Variants in RARB observed in about 807,000 individuals in gnomAD.
RARB encodes the protein HBV-activated protein.
In RARB, 17 loss-of-function variants were observed where a neutral mutation model predicts 51.9. That is an observed-to-expected ratio of 0.33 (90% CI 0.22 to 0.49). The LOEUF (loss-of-function observed/expected upper bound fraction) is 0.49, where lower values mean the gene tolerates loss of function less well. Among genes scored for constraint, RARB ranks in the 20% least tolerant of loss-of-function variants. The pLI is 0.99. For missense variants in RARB, 369 were observed against 550.8 expected, an observed-to-expected ratio of 0.67 and a Z score of 3.30; for synonymous variants, 215 against 195.4, an observed-to-expected ratio of 1.10 and a Z score of -0.84.
intron 2 of RARB, among the ~76,000 whole-genome samples, chr3:25,052,650 A>C (rs1455303324): frequency 6.6e-6 from 1 of 152,206 alleles, no homozygotes; most frequent in Admixed American, 6.5e-5. Context: ...ATTATAATTG[A>C]AAGTATTTTC....
intron 3 of RARB, among the ~76,000 whole-genome samples, chr3:25,560,630 C>T (rs541907507): frequency 7.2e-5 from 11 of 152,286 alleles, no homozygotes; most frequent in Middle Eastern, 3.4e-3. Context: ...TCTGTCTTCC[C>T]TTTAATCTCT....
intron 4 of RARB, among the ~76,000 whole-genome samples, chr3:25,173,111 T>A (rs1700674440): frequency 6.6e-6 from 1 of 152,176 alleles, no homozygotes; most frequent in African/African-American, 2.4e-5. Flanking sequence ...TACTTAATAT[T>A]GGTTATCAGG....
At chr3:25,151,023 A>G (rs1354301042) in intron 4 of RARB, among the ~76,000 whole-genome samples, 1 of 152,248 alleles carries the variant, frequency 6.6e-6, no homozygotes, top group Non-Finnish European at 1.5e-5. Context: ...CAGTTGGCTC[A>G]GTGGCTCCAT....
chr3:25,382,354 A>T (rs1227275519), intron 5 of RARB, among the ~76,000 whole-genome samples: 1 of 152,196 alleles, frequency 6.6e-6, no homozygotes, highest in Non-Finnish European at 1.5e-5. Flanking sequence ...TTCAAAGTTG[A>T]TACTCTTTAG....
At chr3:25,157,795 T>C (rs1279517369) in intron 4 of RARB, among the ~76,000 whole-genome samples, 1 of 152,220 alleles carries the variant, frequency 6.6e-6, no homozygotes, top group African/African-American at 2.4e-5. Flanking sequence ...AGACTCGAGA[T>C]TTTACTCTTT....
chr3:24,924,583 T>C (rs1044610445), intron 2 of RARB, among the ~76,000 whole-genome samples: 2 of 152,188 alleles, frequency 1.3e-5, no homozygotes, highest in Admixed American at 6.6e-5. Context: ...TTGGACAGCA[T>C]AGCTCTATGA....
chr3:24,943,275 T>A (rs1695707864), intron 2 of RARB, among the ~76,000 whole-genome samples: 1 of 152,242 alleles, frequency 6.6e-6, no homozygotes, highest in Admixed American at 6.5e-5. Flanking sequence ...TGGTGAAGGT[T>A]ATTAAGAATG....
At chr3:25,056,289 G>A (rs1446758241) in intron 2 of RARB, among the ~76,000 whole-genome samples, 2 of 152,084 alleles carry the variant, frequency 1.3e-5, no homozygotes, top group Admixed American at 6.6e-5. Flanking sequence ...GCTGGGTGTA[G>A]CACATCAGGG....
chr3:25,017,211 T>TC (rs1270988836), intron 2 of RARB, among the ~76,000 whole-genome samples: 10 of 140,760 alleles, frequency 7.1e-5, no homozygotes, highest in African/African-American at 2.3e-4. Context: ...TTAACTAGCT[T>TC]TCCCCCCCCC....
In RARB at chr3:25,219,689, G is replaced by A. The variant is rs192087278; in HGVS notation, c.178+45114G>A. On this transcript the variant is annotated intron_variant, in intron 5 of 11. Transcript: ENST00000383772. Reference sequence around the variant, plus strand: ...TCAAATTAAGCATGTGCTCACTGTTGTGCTATTTTCTGGACAATTGAGTTG... The same window carrying A: ...TCAAATTAAGCATGTGCTCACTGTTATGCTATTTTCTGGACAATTGAGTTG... Among the ~76,000 whole-genome samples, 257 of 152,212 alleles carry A rather than the reference G, an allele frequency of 1.7e-3. 1 individual carries two copies. Among genetic ancestry groups the A allele is most frequent in the Middle Eastern group, 0.014 (4 of 294 alleles).
intron 1 of RARB, among the ~76,000 whole-genome samples, chr3:24,849,564 AC>A (rs1295580195): frequency 2.0e-4 from 31 of 152,346 alleles, no homozygotes; most frequent in African/African-American, 6.5e-4. Context: ...GTTTAAAGAC[AC>A]CTTATTTAGT....
At chr3:25,449,828 T>C (rs1709112497) in intron 1 of RARB, among the ~76,000 whole-genome samples, 1 of 151,968 alleles carries the variant, frequency 6.6e-6, no homozygotes, top group Non-Finnish European at 1.5e-5. Context: ...CTCGGCTCAC[T>C]GCAACCTCCA....
intron 2 of RARB, among the ~76,000 whole-genome samples, chr3:25,030,851 C>T (rs1195425310): frequency 6.6e-6 from 1 of 152,178 alleles, no homozygotes; most frequent in Non-Finnish European, 1.5e-5. Context: ...AGTTTGTCCT[C>T]AGCTCATTTT....
At chr3:24,939,585 G>A (rs562410160) in intron 2 of RARB, among the ~76,000 whole-genome samples, 1 of 152,150 alleles carries the variant, frequency 6.6e-6, no homozygotes, top group African/African-American at 2.4e-5. Context: ...AGTTTCACTA[G>A]GGTCAAACTT....
upstream of RARB, among the ~76,000 whole-genome samples, chr3:25,426,085 A>T (rs1707979116): frequency 6.6e-6 from 1 of 152,234 alleles, no homozygotes; most frequent in South Asian, 2.1e-4. Flanking sequence ...TAAGGACCTT[A>T]AATAAGCATT....
At chr3:25,087,667 A>AT (rs751922305) in intron 3 of RARB, among the ~76,000 whole-genome samples, 8 of 152,102 alleles carry the variant, frequency 5.3e-5, no homozygotes, top group African/African-American at 1.9e-4. Context: ...AGTAATGGAG[A>AT]TTGTTGTTAT....
At chr3:25,333,253 A>T (rs1309675116) in intron 5 of RARB, among the ~76,000 whole-genome samples, 1 of 152,196 alleles carries the variant, frequency 6.6e-6, no homozygotes, top group Non-Finnish European at 1.5e-5. Context: ...AGCTGGAGGC[A>T]TCACGCTACC....
At chr3:24,997,424 G>A (rs1697065683) in intron 2 of RARB, among the ~76,000 whole-genome samples, 1 of 151,440 alleles carries the variant, frequency 6.6e-6, no homozygotes, top group Non-Finnish European at 1.5e-5. Context: ...AGTTGAGAAT[G>A]TACTCAATTT....
chr3:25,547,509 C>CAAGCTG lies in RARB; in HGVS notation c.449-22246_449-22241dup, dbSNP rs1315776618. On this transcript the variant is annotated intron_variant, in intron 3 of 7. Transcript: ENST00000330688. ...AGTCCCATGTGCCAATTTAATGGGC[C>CAAGCTG]AAGCTGAATTATTGGGCGGTCATTG... is the stretch of plus-strand genomic sequence containing the variant. Among the ~76,000 whole-genome samples, 13 of 152,282 alleles carry CAAGCTG rather than the reference C, an allele frequency of 8.5e-5. No individual in the cohort carries two copies. In the East Asian group the frequency reaches 2.5e-3, roughly 29 times the overall value.
Sources: allele counts gnomAD v4.1 joint callset (sites outside exome capture counted in the v4.1 genomes callset), GRCh38; gene constraint gnomAD v4.1.1; transcripts MANE v1.5; gene names NCBI Gene and HGNC (gene_info 2026-07-23, HGNC 2026-07-21).